The following NOTCH4 variants were observed in gnomAD, a reference collection of about 807,000 sequenced individuals.
NOTCH4 encodes the protein notch receptor 4.
NOTCH4 carries 138 observed loss-of-function variants against 189.0 expected under a neutral mutation model. The observed-to-expected ratio is 0.73, with a 90% CI of 0.64 to 0.84. The LOEUF (loss-of-function observed/expected upper bound fraction) is 0.84, where lower values mean the gene tolerates loss of function less well. Among genes scored for constraint, NOTCH4 ranks in the 40% least tolerant of loss-of-function variants. The probability of loss-of-function intolerance (pLI) is 0.00; values close to 1 mark genes in which losing one functional copy is unlikely to be tolerated. For missense variants in NOTCH4, 2,286 were observed against 2,605.4 expected, an observed-to-expected ratio of 0.88 and a Z score of 2.67; for synonymous variants, 942 against 1,032.8, an observed-to-expected ratio of 0.91 and a Z score of 1.69.
At position 32,217,379 on chromosome 6, in the gene NOTCH4, C is replaced by T; in HGVS notation, c.1625-113G>A. ...CTTGCAGAGCTTCCCAGAGAAGACA[C>T]CTGGGGCAGGTGAGCGTGGGGTGAC... On this transcript the variant is annotated intron_variant, in intron 9 of 29. Coordinates refer to ENST00000375023, the MANE Select transcript of NOTCH4 (RefSeq NM_004557.4). This position sits in a 1 kb window ranked among gnomAD's most constrained non-coding sequence, Gnocchi z 4.2. The T allele has an allele frequency of 1.5e-6, 1 of 685,122 alleles. No homozygotes were observed. Among genetic ancestry groups the T allele is most frequent in the South Asian group, 1.7e-5 (1 of 57,454 alleles). The allele number at this position is 685,122 out of a possible 1,614,324, so 42.4% of individuals were successfully genotyped here. A position where few individuals can be genotyped will look rare whatever the true frequency, so the allele number is the denominator to read the frequency against.
chr6:32,223,275 T>C (rs1789911124), intron 1 of NOTCH4, among the ~76,000 whole-genome samples, 189 bp from the exon 2 acceptor site: 2 of 152,022 alleles, frequency 1.3e-5, no homozygotes, highest in African/African-American at 4.8e-5. Context: ...TCCCAGTTAC[T>C]AATCCCTACC....
chr6:32,219,027 C>A (rs1382502789), intron 8 of NOTCH4, among the ~76,000 whole-genome samples: 1 of 152,184 alleles, frequency 6.6e-6, no homozygotes, highest in Admixed American at 6.5e-5. Context: ...GATTATTTTT[C>A]TGATTTCATT....
At position 32,217,701 on chromosome 6, in the gene NOTCH4, T is replaced by G. The variant is rs1399433150; in HGVS notation, c.1624+294A>C. On this transcript the variant is annotated intron_variant, in intron 9 of 29. Coordinates refer to ENST00000375023, the MANE Select transcript of NOTCH4 (RefSeq NM_004557.4). This position sits in a 1 kb window ranked among gnomAD's most constrained non-coding sequence, Gnocchi z 4.2. ...GGGGCAGCTTTTGCTGGGTTTATGA[T>G]GAGAGTGCCAAGACCAGCCTGGGAC... is the stretch of plus-strand genomic sequence containing the variant. 6.6e-6 allele frequency among the ~76,000 whole-genome samples: 1 copy of G among 152,060 alleles called. No homozygotes were observed. Among genetic ancestry groups the G allele is most frequent in the Admixed American group, 6.6e-5 (1 of 15,262 alleles).
At chr6:32,196,810 C>T (rs187570181) in intron 28 of NOTCH4, 115 bp downstream of exon 28, 21,755 of 1,360,328 alleles carry the variant, frequency 0.016, 273 homozygotes, top group Non-Finnish European at 0.019. Flanking sequence ...AGATTGACCG[C>T]CGTAACAGCA....
chr6:32,210,792 C>T lies in NOTCH4; in HGVS notation c.2825G>A (p.Gly942Glu), dbSNP rs1252701920. 1 of 1,612,882 alleles carries T rather than the reference C, an allele frequency of 6.2e-7. No individual in the cohort carries two copies. The highest frequency in any genetic ancestry group is 8.5e-7 in the Non-Finnish European group (1 of 1,180,044). ...NPCESRPCQN[G>E]ATCMAQPSGY... ...ACTGGGCTGGGCCATGCAGGTGGCC[C>T]CGTTCTGGCAAGGCCTGGACTCACA... The change falls in exon 18 of 30, where the codon GGG becomes GAG. Residue 942 changes from glycine to glutamate, a missense_variant. By Grantham distance (98) the Gly-to-Glu change is moderately conservative. Around this residue, in one of 2 missense-constraint regions of NOTCH4, gnomAD observed 1,903 missense variants for 2,261.9 expected, o/e 0.84. Coordinates refer to ENST00000375023, the MANE Select transcript of NOTCH4 (RefSeq NM_004557.4). This position sits in a 1 kb window ranked among gnomAD's most constrained non-coding sequence, Gnocchi z 4.8.
rs766040619 is a variant in NOTCH4, at chr6:32,220,493, A to G, written c.1071T>C (p.Asp357=). ...WGGTSCEENL[D]DCIAATCAPG... is the part of the protein sequence containing the mutation. ...GGGCACAGGTGGCAGCAATACAGTC[A>G]TCCAGGTTCTCCTCACAGCTTGTGC... The change falls in exon 6 of 30, where the codon GAT becomes GAC. Residue 357 remains aspartate, a synonymous_variant. Coordinates refer to ENST00000375023, the MANE Select transcript of NOTCH4 (RefSeq NM_004557.4). The G allele has an allele frequency of 2.5e-6, 4 of 1,613,472 alleles. No homozygotes were observed. Among genetic ancestry groups the G allele is most frequent in the Non-Finnish European group, 3.4e-6 (4 of 1,180,032 alleles).
Position 32,217,119 on chromosome 6 carries a change from C to T in NOTCH4, c.1738+34G>A, listed in dbSNP as rs747269425. 1.1e-4 allele frequency: 179 copies of T among 1,612,864 alleles called. No homozygotes were observed. Among genetic ancestry groups the T allele is most frequent in the Non-Finnish European group, 1.4e-4 (165 of 1,179,950 alleles). ...CCTGCACGGATGTCTGCCTCCTGCT[C>T]CCGCTGTCCCCCACAGTGTGTGCCC... On this transcript the variant is annotated intron_variant, in intron 10 of 29. Transcript: ENST00000375023. This position sits in a 1 kb window ranked among gnomAD's most constrained non-coding sequence, Gnocchi z 4.2.
At chr6:32,216,902 A>G (rs866409740) in intron 11 of NOTCH4, 43 bp downstream of exon 11, 2 of 1,611,850 alleles carry the variant, frequency 1.2e-6, no homozygotes, top group Non-Finnish European at 1.7e-6. Context: ...CCCAAATGGA[A>G]TAAAATATTC....
chr6:32,196,335 G>C lies in NOTCH4; in HGVS notation c.5287C>G (p.Gln1763Glu). The C allele has an allele frequency of 6.2e-7, 1 of 1,613,140 alleles. No homozygotes were observed. The highest frequency in any genetic ancestry group is 8.5e-7 in the Non-Finnish European group (1 of 1,180,048). Residue 1763 changes from glutamine to glutamate, a missense_variant, in exon 29 of 30, where the codon CAG (glutamine) becomes GAG (glutamate). Gln to Glu is a conservative substitution (Grantham distance 29). Transcript: ENST00000375023. The part of the protein sequence containing the change: ...LLQAGADKDA[Q>E]DNREQTPLFL... ...CTGTCCCATCTAACCCTGTTGTCCT[G>C]GGCATCTTTATCGGCTCCGGCCTGG...
At position 32,201,443 on chromosome 6, in the gene NOTCH4, G is replaced by A; in HGVS notation, c.3813C>T (p.Gly1271=). The A allele has an allele frequency of 6.5e-7, 1 of 1,534,568 alleles. No individual in the cohort carries two copies. Among genetic ancestry groups the A allele is most frequent in the Non-Finnish European group, 8.8e-7 (1 of 1,142,568 alleles). Residue 1271 remains glycine, a synonymous_variant, in exon 22 of 30, where the codon GGC becomes GGT. Coordinates refer to ENST00000375023, the MANE Select transcript of NOTCH4 (RefSeq NM_004557.4). The surrounding 1 kb of genome is among the most constrained non-coding windows in gnomAD (Gnocchi z 5.5). ...DHFHNGHCEK[G]CNTAECGWDG... is the part of the protein sequence containing the mutation. ...CCCAGCCACACTCTGCAGTGTTGCA[G>A]CCTTTCTCACAGTGCCCGTTGTGGA...
In NOTCH4 at chr6:32,217,300, CAAGGTCATCGAGGGAGGCA is replaced by C. The variant is rs1789475458; in HGVS notation, c.1625-53_1625-35del. ...GCGGAAGTGGGTGGGGAGAGGAGGC[CAAGGTCATCGAGGGAGGCA>C]CAGCATGGCGCCTTCCCTTGCCAGG... On this transcript the variant is annotated intron_variant, in intron 9 of 29. Transcript: ENST00000375023. The surrounding 1 kb of genome is among the most constrained non-coding windows in gnomAD (Gnocchi z 4.2). 4 of 1,441,006 alleles carry C rather than the reference CAAGGTCATCGAGGGAGGCA, an allele frequency of 2.8e-6. No homozygotes were observed. The South Asian group carries it at 3.5e-5, about 12-fold the overall frequency. 89.3% of individuals were successfully genotyped at this position (1,441,006 alleles called of 1,614,324 possible).
At chr6:32,215,508 C>A in intron 11 of NOTCH4, 123 bp from the exon 12 acceptor site, 1 of 938,020 alleles carries the variant, frequency 1.1e-6, no homozygotes, top group South Asian at 1.8e-5. Flanking sequence ...CCTATGAACC[C>A]ATGAACCTGT....
In NOTCH4 at chr6:32,200,692, C is replaced by T. The variant is rs113440323; in HGVS notation, c.4315+139G>A. ...CAGTGGGAGATTCAGTTAGAGAAAG[C>T]GGGGTTAGGGAAAGTAAGTCCCCAC... On this transcript the variant is annotated intron_variant, in intron 23 of 29. Transcript: ENST00000375023. The surrounding 1 kb of genome is among the most constrained non-coding windows in gnomAD (Gnocchi z 5.0). 5.1e-4 allele frequency: 340 copies of T among 662,612 alleles called. 1 individual carries two copies. In the African/African-American group the frequency reaches 5.5e-3, roughly 11 times the overall value. The allele number at this position is 662,612 out of a possible 1,614,324, so 41.0% of individuals were successfully genotyped here.
chr6:32,198,856 C>A lies in NOTCH4; in HGVS notation c.4535+70G>T. 6.8e-7 allele frequency: 1 copy of A among 1,462,996 alleles called. No individual in the cohort carries two copies. The highest frequency in any genetic ancestry group is 9.2e-7 in the Non-Finnish European group (1 of 1,082,458). The allele number at this position is 1,462,996 out of a possible 1,614,324, so 90.6% of individuals were successfully genotyped here. A position where few individuals can be genotyped will look rare whatever the true frequency, so the allele number is the denominator to read the frequency against. On this transcript the variant is annotated intron_variant, in intron 24 of 29. Coordinates refer to ENST00000375023, the MANE Select transcript of NOTCH4 (RefSeq NM_004557.4). This position sits in a 1 kb window ranked among gnomAD's most constrained non-coding sequence, Gnocchi z 5.5. ...TGACTTCTGCAATAGTATTTCTTATCTTTTCTGATTGTAAATATCGCCATA... is the reference window on the plus strand; with the variant it reads ...TGACTTCTGCAATAGTATTTCTTATATTTTCTGATTGTAAATATCGCCATA...
chr6:32,199,040 C>T lies in NOTCH4; in HGVS notation c.4421G>A (p.Arg1474Gln), dbSNP rs751686959. ...CCAGAGAGCTCCATGCTCTCGGCGT[C>T]GACGCCGGATGAGCTGGAGGACGAG... The part of the protein sequence containing the change: ...ALLVLQLIRR[R>Q]RREHGALWLP... The change falls in exon 24 of 30, where the codon CGA becomes CAA. Residue 1474 changes from arginine (R) to glutamine (Q), a missense_variant. Around this residue, in one of 2 missense-constraint regions of NOTCH4, gnomAD observed 1,903 missense variants for 2,261.9 expected, o/e 0.84. Transcript: ENST00000375023. The surrounding 1 kb of genome is among the most constrained non-coding windows in gnomAD (Gnocchi z 4.9). The T allele has an allele frequency of 2.5e-6, 4 of 1,612,790 alleles. No individual in the cohort carries two copies. Among genetic ancestry groups the T allele is most frequent in the East Asian group, 4.5e-5 (2 of 44,866 alleles).
chr6:32,196,447 A>T (rs1232017586), intron 28 of NOTCH4, 26 bp from the exon 29 acceptor site: 5 of 1,610,178 alleles, frequency 3.1e-6, no homozygotes, highest in Non-Finnish European at 4.2e-6. Flanking sequence ...GGAGGTTGTT[A>T]CCCCAGTTGG....
Position 32,201,462 on chromosome 6 carries a change from T to A in NOTCH4, c.3794A>T (p.Asn1265Ile). 1 of 1,526,796 alleles carries A rather than the reference T, an allele frequency of 6.5e-7. No individual in the cohort carries two copies. Among genetic ancestry groups the A allele is most frequent in the Non-Finnish European group, 8.8e-7 (1 of 1,138,872 alleles). 94.6% of individuals were successfully genotyped at this position (1,526,796 alleles called of 1,614,324 possible). Residue 1265 changes from asparagine (N) to isoleucine (I), a missense_variant, in exon 22 of 30, where the codon AAC becomes ATC. By Grantham distance (149) the Asn-to-Ile change is moderately radical. Around this residue, in one of 2 missense-constraint regions of NOTCH4, gnomAD observed 1,903 missense variants for 2,261.9 expected, o/e 0.84. Coordinates refer to ENST00000375023, the MANE Select transcript of NOTCH4 (RefSeq NM_004557.4). The surrounding 1 kb of genome is among the most constrained non-coding windows in gnomAD (Gnocchi z 5.5). Reference protein sequence around the residue: ...YDQYCHDHFHNGHCEKGCNTA... With the variant: ...YDQYCHDHFHIGHCEKGCNTA... Reference sequence around the variant, plus strand: ...GTTGCAGCCTTTCTCACAGTGCCCGTTGTGGAAGTGATCATGGCAGTACTG... The same window carrying A: ...GTTGCAGCCTTTCTCACAGTGCCCGATGTGGAAGTGATCATGGCAGTACTG...
chr6:32,195,518 C>G lies in NOTCH4; in HGVS notation c.5931G>C (p.Glu1977Asp), dbSNP rs756114446. ...IPPPCLTPSP[E>D]RGSPQLDCGP... ...CACAGTCAAGTTGAGGTGATCCCCGCTCCGGGGACGGAGTAAGGCAAGGAG... is the reference window on the plus strand; with the variant it reads ...CACAGTCAAGTTGAGGTGATCCCCGGTCCGGGGACGGAGTAAGGCAAGGAG... Residue 1977 changes from glutamate to aspartate, a missense_variant, in exon 30 of 30, where the codon GAG becomes GAC. By Grantham distance (45) the Glu-to-Asp change is conservative (BLOSUM62 2). This residue lies in a region of NOTCH4 where 383 missense variants were observed against 343.5 expected (regional missense o/e 1.11). Coordinates refer to ENST00000375023, the MANE Select transcript of NOTCH4 (RefSeq NM_004557.4). The surrounding 1 kb of genome is among the most constrained non-coding windows in gnomAD (Gnocchi z 5.4). 1.2e-6 allele frequency: 2 copies of G among 1,612,980 alleles called. No homozygotes were observed. Among genetic ancestry groups the G allele is most frequent in the Non-Finnish European group, 1.7e-6 (2 of 1,180,024 alleles).
rs369323780 is a variant in NOTCH4, at chr6:32,217,086, G to A, written c.1739-19C>T. 18 of 1,612,954 alleles carry A rather than the reference G, an allele frequency of 1.1e-5. No homozygotes were observed. The highest frequency in any genetic ancestry group is 2.2e-5 in the South Asian group (2 of 91,088). ...TCAAAGCCTGTGGCACAGCAGGAAG[G>A]TCAGGGACCTGCACGGATGTCTGCC... On this transcript the variant is annotated intron_variant, in intron 10 of 29. Coordinates refer to ENST00000375023, the MANE Select transcript of NOTCH4 (RefSeq NM_004557.4). The surrounding 1 kb of genome is among the most constrained non-coding windows in gnomAD (Gnocchi z 4.2).
Sources: gnomAD v4.1 joint callset for allele counts (sites outside exome capture counted in the v4.1 genomes callset) on GRCh38, gnomAD v4.1.1 for gene constraint, gnomAD v4.1.1 regional missense constraint, Gnocchi (gnomAD v3.1) non-coding constraint, MANE v1.5 for transcripts, NCBI Gene and HGNC (gene_info 2026-07-23, HGNC 2026-07-21) for gene names.